EBF1: variants seen among roughly 807,000 people sequenced by gnomAD.
EBF1 encodes the protein transcription factor COE1.
Under a neutral mutation model 68.4 loss-of-function variants are expected in EBF1, and 10 were observed. That is an observed-to-expected ratio of 0.15 (90% CI 0.09 to 0.25). The LOEUF (loss-of-function observed/expected upper bound fraction) is 0.25. EBF1 is among the 10% of genes least tolerant of loss of function. EBF1 has a pLI of 1.00. For missense variants in EBF1, 509 were observed against 794.4 expected (o/e 0.64, Z 4.32); for synonymous variants, 298 against 299.8 (o/e 0.99, Z 0.06).
In EBF1 at chr5:159,018,936, T is replaced by C. The variant is rs1766129657; in HGVS notation, c.554+54460A>G. On this transcript the variant is annotated intron_variant, in intron 6 of 15. Transcript: ENST00000313708. ...TGAAAATATGTCTATAATTGCCATC[T>C]ACTGAGTCTGAGCATTCACTCACCT... The C allele has an allele frequency of 2.0e-5, 3 of 152,248 alleles. No homozygotes were observed. In the South Asian group the frequency reaches 6.2e-4, roughly 31 times the overall value. The allele number at this position is 152,248 out of a possible 1,614,324, so 9.4% of individuals were successfully genotyped here.
chr5:158,897,467 T>C (rs1338503381), intron 6 of EBF1, among the ~76,000 whole-genome samples: 1 of 152,130 alleles, frequency 6.6e-6, no homozygotes, highest in Non-Finnish European at 1.5e-5. Flanking sequence ...TAATGGGTAC[T>C]AGGCTTAATA....
chr5:158,948,464 G>T (rs773159843), intron 6 of EBF1, among the ~76,000 whole-genome samples: 1 of 152,046 alleles, frequency 6.6e-6, no homozygotes, highest in Non-Finnish European at 1.5e-5. Context: ...AAAAACATAA[G>T]TCTGAGATTG....
At chr5:159,041,303 C>A (rs1374541777) in intron 6 of EBF1, among the ~76,000 whole-genome samples, 1 of 152,180 alleles carries the variant, frequency 6.6e-6, no homozygotes, top group Admixed American at 6.5e-5. Flanking sequence ...ACATACCTAC[C>A]TGAACACAGG....
intron 4 of EBF1, among the ~76,000 whole-genome samples, chr5:159,093,626 G>T (rs1782035019): frequency 6.6e-6 from 1 of 151,912 alleles, no homozygotes; most frequent in South Asian, 2.1e-4. Context: ...AATGATATTT[G>T]ATGTATTGCT....
At chr5:158,835,390 C>T (rs1284899144) in intron 7 of EBF1, among the ~76,000 whole-genome samples, 1 of 152,050 alleles carries the variant, frequency 6.6e-6, no homozygotes, top group African/African-American at 2.4e-5. Flanking sequence ...TTCTAAAGTC[C>T]CTGCAAGTAA....
chr5:159,032,309 C>A (rs908213840), intron 6 of EBF1, among the ~76,000 whole-genome samples: 9 of 152,102 alleles, frequency 5.9e-5, no homozygotes, highest in African/African-American at 2.2e-4. Flanking sequence ...TTAATTTTTC[C>A]AGGTACAAGT....
Position 158,928,893 on chromosome 5 carries a change from T to C in EBF1, c.555-88783A>G, listed in dbSNP as rs1032984720. Among the ~76,000 whole-genome samples, 6 of 152,238 alleles carry C rather than the reference T, an allele frequency of 3.9e-5. 1 individual carries two copies. The highest frequency in any genetic ancestry group is 3.9e-4 in the Admixed American group (6 of 15,282). ...TGCTGAAAAGCCAAATTTAAACTCA[T>C]AAATATTGCTAATATGCATATAATT... On this transcript the variant is annotated intron_variant, in intron 6 of 15. Coordinates refer to ENST00000313708, the MANE Select transcript of EBF1 (RefSeq NM_024007.5).
At chr5:159,013,877 A>G (rs944908861) in intron 6 of EBF1, among the ~76,000 whole-genome samples, 4 of 152,208 alleles carry the variant, frequency 2.6e-5, no homozygotes, top group Non-Finnish European at 4.4e-5. Context: ...GAAGAGTTCC[A>G]ACTTCTGGCT....
chr5:159,060,597 A>G (rs1775600788), intron 6 of EBF1, among the ~76,000 whole-genome samples: 1 of 152,138 alleles, frequency 6.6e-6, no homozygotes, highest in Non-Finnish European at 1.5e-5. Context: ...GCATGCTTCA[A>G]AAGTATTTTG....
At chr5:158,874,212 CTG>C (rs1797383225) in intron 6 of EBF1, among the ~76,000 whole-genome samples, 1 of 152,090 alleles carries the variant, frequency 6.6e-6, no homozygotes, top group South Asian at 2.1e-4. Flanking sequence ...AAAGTACACT[CTG>C]TGGTGAATCT....
intron 6 of EBF1, among the ~76,000 whole-genome samples, chr5:158,904,775 T>C (rs1055124167): frequency 6.6e-6 from 1 of 152,156 alleles, no homozygotes; most frequent in African/African-American, 2.4e-5. Flanking sequence ...TTCCCCTTTA[T>C]ACAAGGCACA....
chr5:158,978,209 T>C (rs1757160537), intron 6 of EBF1, among the ~76,000 whole-genome samples: 2 of 152,256 alleles, frequency 1.3e-5, no homozygotes, highest in Admixed American at 6.5e-5. Flanking sequence ...GCTGGCTCAC[T>C]GCGCCCCGGT....
chr5:159,008,352 T>C (rs542480224), intron 6 of EBF1, among the ~76,000 whole-genome samples: 1 of 152,192 alleles, frequency 6.6e-6, no homozygotes, highest in East Asian at 1.9e-4. Context: ...ATAGCGAGGA[T>C]CTTTTTAAAA....
chr5:158,900,628 C>G (rs1464767452), intron 6 of EBF1, among the ~76,000 whole-genome samples: 1 of 152,166 alleles, frequency 6.6e-6, no homozygotes, highest in African/African-American at 2.4e-5. Flanking sequence ...GGGAGGATCC[C>G]CTGAAGCAGA....
Position 159,095,692 on chromosome 5 carries a change from G to C in EBF1, c.356-17C>G, listed in dbSNP as rs775094389. ...TCCTTATCCCTAGGGTTGGAAATGG[G>C]GGAAGGGAGGAGAATTAAGTGAGAG... On this transcript the variant is annotated splice_polypyrimidine_tract_variant and intron_variant, in intron 3 of 15. Coordinates refer to ENST00000313708, the MANE Select transcript of EBF1 (RefSeq NM_024007.5). The C allele has an allele frequency of 6.2e-7, 1 of 1,613,892 alleles. No individual in the cohort carries two copies. The highest frequency in any genetic ancestry group is 1.1e-5 in the South Asian group (1 of 91,058).
intron 8 of EBF1, among the ~76,000 whole-genome samples, chr5:158,820,798 C>A (rs1405320510): frequency 6.6e-6 from 1 of 152,110 alleles, no homozygotes; most frequent in Non-Finnish European, 1.5e-5. Flanking sequence ...TAATATGACA[C>A]CCCAACTGAA....
chr5:158,913,600 A>G (rs13172711), intron 6 of EBF1, among the ~76,000 whole-genome samples: 24,336 of 151,714 alleles, frequency 0.16, 2,010 homozygotes, highest in Non-Finnish European at 0.19. Flanking sequence ...CATTAACTGG[A>G]CTCTGCACCA....
intron 10 of EBF1, among the ~76,000 whole-genome samples, chr5:158,757,676 T>A (rs1335227406): frequency 6.6e-6 from 1 of 152,178 alleles, no homozygotes; most frequent in East Asian, 1.9e-4. Flanking sequence ...TCTAGTTGCA[T>A]AACCTTCAGC....
chr5:158,851,768 G>A (rs1216934690), intron 6 of EBF1, among the ~76,000 whole-genome samples: 1 of 110,606 alleles, frequency 9.0e-6, no homozygotes, highest in African/African-American at 3.6e-5. Context: ...AAAATGGAAG[G>A]TAAGGGAAGA....
Sources: gnomAD v4.1 joint callset for allele counts (sites outside exome capture counted in the v4.1 genomes callset) on GRCh38, gnomAD v4.1.1 for gene constraint, MANE v1.5 for transcripts, NCBI Gene and HGNC (gene_info 2026-07-23, HGNC 2026-07-21) for gene names.